Variants in CA10 observed in about 807,000 individuals in gnomAD.
The protein encoded by CA10 is carbonic anhydrase-related protein 10.
CA10 carries 14 observed loss-of-function variants against 44.2 expected under a neutral mutation model. The observed-to-expected ratio is 0.32, with a 90% confidence interval of 0.21 to 0.50. CA10 has a LOEUF of 0.50. Ranked by LOEUF, CA10 falls within the 20% of genes least tolerant of loss-of-function variation. The probability of loss-of-function intolerance (pLI) is 0.99; values close to 1 mark genes in which losing one functional copy is unlikely to be tolerated. For missense variants in CA10, 350 were observed against 409.7 expected (o/e 0.85, Z 1.26); for synonymous variants, 159 against 141.6 (o/e 1.12, Z -0.87).
chr17:51,687,069 C>T (rs1031677824), intron 4 of CA10, among the ~76,000 whole-genome samples: 4 of 152,198 alleles, frequency 2.6e-5, no homozygotes, highest in Non-Finnish European at 5.9e-5. Context: ...TGGCTTCTAT[C>T]CCATGTCGTA....
intron 2 of CA10, among the ~76,000 whole-genome samples, chr17:51,973,821 C>T (rs986234936): frequency 4.6e-5 from 7 of 152,044 alleles, no homozygotes; most frequent in African/African-American, 1.7e-4. Flanking sequence ...CCACAATGTA[C>T]ATCAGAAAAT....
chr17:51,746,203 C>G (rs1261602875), intron 4 of CA10, among the ~76,000 whole-genome samples: 1 of 152,234 alleles, frequency 6.6e-6, no homozygotes, highest in African/African-American at 2.4e-5. Context: ...TGCAGCTTCT[C>G]TAGCACACAC....
intron 4 of CA10, among the ~76,000 whole-genome samples, chr17:51,706,015 G>A (rs1048833245): frequency 1.3e-5 from 2 of 152,208 alleles, no homozygotes; most frequent in South Asian, 2.1e-4. Context: ...TCTGTGTAGC[G>A]CAGTGGTTGA....
chr17:51,881,676 C>T (rs1168483878), intron 3 of CA10, among the ~76,000 whole-genome samples: 1 of 152,142 alleles, frequency 6.6e-6, no homozygotes, highest in East Asian at 1.9e-4. Context: ...TGATGAACCT[C>T]ACTAACAAGG....
chr17:51,853,797 TTGAC>T (rs1309903871), intron 3 of CA10, among the ~76,000 whole-genome samples: 2 of 152,152 alleles, frequency 1.3e-5, no homozygotes, highest in Non-Finnish European at 2.9e-5. Flanking sequence ...TTATAAGTGT[TTGAC>T]TGTTCCTCCT....
At chr17:51,748,484 G>A (rs1904784783) in intron 3 of CA10, 1 of 985,398 alleles carries the variant, frequency 1.0e-6, no homozygotes. Flanking sequence ...ATGACTGCTT[G>A]GCATTCCTTT....
intron 1 of CA10, among the ~76,000 whole-genome samples, chr17:52,125,119 TTG>T (rs2143329252): frequency 6.6e-6 from 1 of 152,322 alleles, no homozygotes; most frequent in Non-Finnish European, 1.5e-5. Context: ...AACTTGGTGT[TTG>T]TGAGGTCTTA....
At chr17:51,806,607 T>C (rs573873309) in intron 3 of CA10, among the ~76,000 whole-genome samples, 2 of 152,348 alleles carry the variant, frequency 1.3e-5, no homozygotes, top group East Asian at 3.9e-4. Flanking sequence ...TAACAGGTGT[T>C]CAGGAAATAA....
intron 2 of CA10, among the ~76,000 whole-genome samples, chr17:52,021,789 A>G (rs899721197): frequency 9.9e-5 from 15 of 152,102 alleles, no homozygotes; most frequent in African/African-American, 3.6e-4. Context: ...TATGCACACA[A>G]ACAGAAAATC....
At chr17:51,895,031 AT>A (rs1229973184) in intron 3 of CA10, among the ~76,000 whole-genome samples, 1 of 152,072 alleles carries the variant, frequency 6.6e-6, no homozygotes, top group Non-Finnish European at 1.5e-5. Flanking sequence ...TAAAAAATAC[AT>A]TTTTTGGTAT....
chr17:52,039,100 A>C (rs1986697887), intron 2 of CA10, among the ~76,000 whole-genome samples: 1 of 152,044 alleles, frequency 6.6e-6, no homozygotes, highest in Non-Finnish European at 1.5e-5. Context: ...GGAAGTGTAG[A>C]TTAATTCTCC....
chr17:51,660,556 A>T (rs897098952), intron 4 of CA10, among the ~76,000 whole-genome samples: 1 of 152,168 alleles, frequency 6.6e-6, no homozygotes, highest in African/African-American at 2.4e-5. Context: ...GCACTAGTGC[A>T]TGCCGGGGGC....
At chr17:52,088,638 C>T (rs1988181333) in intron 1 of CA10, among the ~76,000 whole-genome samples, 1 of 152,156 alleles carries the variant, frequency 6.6e-6, no homozygotes. Flanking sequence ...AGATCCCCCT[C>T]TAAAAGTTAA....
intron 4 of CA10, among the ~76,000 whole-genome samples, chr17:51,731,197 T>C (rs1916703442): frequency 6.6e-6 from 1 of 152,078 alleles, no homozygotes; most frequent in Non-Finnish European, 1.5e-5. Flanking sequence ...GCCAACATGG[T>C]GAAACCCCAT....
chr17:51,817,371 T>C (rs1907601174), intron 3 of CA10, among the ~76,000 whole-genome samples: 1 of 152,212 alleles, frequency 6.6e-6, no homozygotes, highest in Non-Finnish European at 1.5e-5. Context: ...AAGTCTAAAA[T>C]ATTTGTCTCT....
intron 2 of CA10, among the ~76,000 whole-genome samples, chr17:51,951,455 T>C (rs1391588108): frequency 6.6e-6 from 1 of 152,164 alleles, no homozygotes; most frequent in African/African-American, 2.4e-5. Flanking sequence ...GATGCTCCAT[T>C]ACTTAATTAT....
At chr17:52,032,300 A>G (rs568429749) in intron 2 of CA10, among the ~76,000 whole-genome samples, 12 of 152,178 alleles carry the variant, frequency 7.9e-5, no homozygotes, top group African/African-American at 2.6e-4. Context: ...TATTATTATT[A>G]TTTTCATTCT....
In CA10 at chr17:52,040,385, C is replaced by T. The variant is rs559538554; in HGVS notation, c.136+31934G>A. On this transcript the variant is annotated intron_variant, in intron 2 of 8. Transcript: ENST00000451037. ...TCCTTTTCTATGATAGCAATTTGCT[C>T]TCTGTTTTTCCTTGAAAGCCTTCTC... Among the ~76,000 whole-genome samples the T allele has an allele frequency of 2.0e-5, 3 of 151,896 alleles. No homozygotes were observed. The South Asian group carries it at 6.2e-4, about 32-fold the overall frequency.
chr17:52,088,021 A>G (rs1988164432), intron 1 of CA10, among the ~76,000 whole-genome samples: 1 of 152,184 alleles, frequency 6.6e-6, no homozygotes, highest in South Asian at 2.1e-4. Context: ...TGGGAGCTAA[A>G]TGATGAGAGC....
Sources: allele counts gnomAD v4.1 joint callset (sites outside exome capture counted in the v4.1 genomes callset), GRCh38; gene constraint gnomAD v4.1.1; transcripts MANE v1.5; gene names NCBI Gene and HGNC (gene_info 2026-07-23, HGNC 2026-07-21).